OGFR: variants seen among roughly 807,000 people sequenced by gnomAD.
OGFR encodes protein 7-60.
Under a neutral mutation model 33.6 loss-of-function variants are expected in OGFR, and 18 were observed. That is an observed-to-expected ratio of 0.54 (90% CI 0.37 to 0.80). The LOEUF is 0.80. OGFR is among the 30% of genes least tolerant of loss of function. The pLI is 0.00. For synonymous variants in OGFR, 370 were observed against 400.7 expected (o/e 0.92, Z 0.91); for missense variants, 877 against 955.8 (o/e 0.92, Z 1.09).
In OGFR at chr20:62,812,266, C is replaced by T; in HGVS notation, c.651C>T (p.Leu217=). The T allele has an allele frequency of 6.5e-7, 1 of 1,532,174 alleles. No homozygotes were observed. The allele number at this position is 1,532,174 out of a possible 1,614,324, so 94.9% of individuals were successfully genotyped here. A position where few individuals can be genotyped will look rare whatever the true frequency, so the allele number is the denominator to read the frequency against. ...ACAACCTCCGCATCACACGCATCCTCAAGTCGCTGGGTGAGCTGGGCCTCG... is the reference window on the plus strand; with the variant it reads ...ACAACCTCCGCATCACACGCATCCTTAAGTCGCTGGGTGAGCTGGGCCTCG... ...SHNNLRITRI[L]KSLGELGLEH... is the part of the protein sequence containing the mutation. The change falls in exon 7 of 7, where the codon CTC becomes CTT. Residue 217 remains leucine, a synonymous_variant. Coordinates refer to ENST00000290291, the MANE Select transcript of OGFR (RefSeq NM_007346.4).
Position 62,812,571 on chromosome 20 carries a change from C to A in OGFR, c.956C>A (p.Pro319His). 6.3e-7 allele frequency: 1 copy of A among 1,578,316 alleles called. No individual in the cohort carries two copies. Among genetic ancestry groups the A allele is most frequent in the East Asian group, 2.3e-5 (1 of 43,098 alleles). The change falls in exon 7 of 7, where the codon CCC (proline) becomes CAC (histidine). Residue 319 changes from proline (P) to histidine (H), a missense_variant. This residue lies in a region of OGFR where 760 missense variants were observed against 736.0 expected (regional missense o/e 1.03). Transcript: ENST00000290291. The stretch of plus-strand genomic sequence containing the variant: ...GAGGAGGAAGGAAGCCCCGGGGACC[C>A]CGACCACGAGGCCAGCACCCAGGGT... ...KVEEEGSPGD[P>H]DHEASTQGRT...
intron 2 of OGFR, 46 bp from the exon 3 acceptor site, chr20:62,808,201 C>T (rs1391560345): frequency 1.4e-6 from 2 of 1,471,524 alleles, no homozygotes; most frequent in Admixed American, 1.7e-5. Flanking sequence ...CCCAGGGCAG[C>T]TTGTGTCTGA....
intron 5 of OGFR, among the ~76,000 whole-genome samples, chr20:62,810,817 C>T (rs567771886): frequency 1.3e-5 from 2 of 152,356 alleles, no homozygotes; most frequent in East Asian, 3.9e-4. Flanking sequence ...GGGCTGAGCC[C>T]CTGAGAGACC....
chr20:62,808,412 G>C, intron 3 of OGFR, 87 bp downstream of exon 3: 1 of 994,040 alleles, frequency 1.0e-6, no homozygotes, highest in Non-Finnish European at 1.6e-6. Flanking sequence ...GGATGTACCC[G>C]GCGATTACCA....
intron 2 of OGFR, 184 bp downstream of exon 2, chr20:62,807,789 G>A: frequency 1.6e-6 from 1 of 631,888 alleles, no homozygotes; most frequent in Non-Finnish European, 2.8e-6. Context: ...CCCTCTCGCG[G>A]GAGACCGGGG....
Position 62,811,626 on chromosome 20 carries a change from T to TGGGCCC in OGFR, c.614+16_614+17insGGGCCC. 2 of 1,502,500 alleles carry TGGGCCC rather than the reference T, an allele frequency of 1.3e-6. No individual in the cohort carries two copies. Among genetic ancestry groups the TGGGCCC allele is most frequent in the South Asian group, 1.2e-5 (1 of 82,722 alleles). The allele number at this position is 1,502,500 out of a possible 1,614,324, so 93.1% of individuals were successfully genotyped here. ...ACCTGAACTGGTGAGGCCCGGCTGCTCCCGCCCACCCCCACCCCGGCGCAG... is the reference window on the plus strand; with the variant it reads ...ACCTGAACTGGTGAGGCCCGGCTGCTGGGCCCCCCGCCCACCCCCACCCCGGCGCAG... On this transcript the variant is annotated intron_variant, in intron 6 of 6. Transcript: ENST00000290291.
At chr20:62,811,438 G>T in intron 5 of OGFR, 24 bp from the exon 6 acceptor site, 2 of 1,608,152 alleles carry the variant, frequency 1.2e-6, no homozygotes, top group Non-Finnish European at 1.7e-6. Flanking sequence ...TGGTGCCTGA[G>T]CTCTCCAAGG....
chr20:62,812,875 C>T lies in OGFR; in HGVS notation c.1260C>T (p.Ser420=), dbSNP rs1362561176. 1.9e-6 allele frequency: 3 copies of T among 1,612,576 alleles called. No individual in the cohort carries two copies. Among genetic ancestry groups the T allele is most frequent in the South Asian group, 1.1e-5 (1 of 91,080 alleles). ...TGAATTTGGAGGGGTGTGCCCTCAG[C>T]CAGGGCAGCCTCAGGACGGGGACCC... ...IALNLEGCAL[S]QGSLRTGTQE... Residue 420 remains serine, a synonymous_variant, in exon 7 of 7, where the codon AGC becomes AGT. Transcript: ENST00000290291.
Position 62,804,891 on chromosome 20 carries a change from A to G in OGFR, c.32A>G (p.Glu11Gly). 6.8e-7 allele frequency: 1 copy of G among 1,479,014 alleles called. No homozygotes were observed. Among genetic ancestry groups the G allele is most frequent in the East Asian group, 3.1e-5 (1 of 32,250 alleles). The allele number at this position is 1,479,014 out of a possible 1,614,324, so 91.6% of individuals were successfully genotyped here. A position where few individuals can be genotyped will look rare whatever the true frequency, so the allele number is the denominator to read the frequency against. MDDPDCDSTW[E>G]EDEEDAEDAE... is the part of the protein sequence containing the mutation. ...GACCCCGACTGCGACTCCACCTGGG[A>G]GGAGGACGAGGAGGATGCGGAGGAC... is the stretch of plus-strand genomic sequence containing the variant. The change falls in exon 1 of 7, where the codon GAG becomes GGG. Residue 11 changes from glutamate (E) to glycine (G), a missense_variant. Glu to Gly is a moderately conservative substitution (Grantham distance 98). This residue lies in a region of OGFR where 760 missense variants were observed against 736.0 expected (regional missense o/e 1.03). Coordinates refer to ENST00000290291, the MANE Select transcript of OGFR (RefSeq NM_007346.4).
Position 62,812,609 on chromosome 20 carries a change from C to T in OGFR, c.994C>T (p.Pro332Ser), listed in dbSNP as rs1462284679. ...EASTQGRTCG[P>S]EHSKGGGRVD... ...CAGCACCCAGGGTCGGACCTGTGGG[C>T]CAGAGCATAGCAAGGGTGGGGGCAG... Residue 332 changes from proline to serine, a missense_variant, in exon 7 of 7, where the codon CCA (proline) becomes TCA (serine). Pro to Ser is a moderately conservative substitution (Grantham distance 74, BLOSUM62 -1). This residue lies in a region of OGFR where 760 missense variants were observed against 736.0 expected (regional missense o/e 1.03). Transcript: ENST00000290291. The T allele has an allele frequency of 6.4e-7, 1 of 1,563,704 alleles. No homozygotes were observed. Among genetic ancestry groups the T allele is most frequent in the Admixed American group, 1.9e-5 (1 of 51,880 alleles).
rs1482292388 is a variant in OGFR at position 62,812,747 on chromosome 20, A to C, written c.1132A>C (p.Ser378Arg). The change falls in exon 7 of 7, where the codon AGC becomes CGC. Residue 378 changes from serine (S) to arginine (R), a missense_variant. Physicochemically the swap from Ser to Arg is moderately radical, Grantham distance 110 (BLOSUM62 -1). Transcript: ENST00000290291. ...GHGEDRPEPL[S>R]PKESKKRKLE... is the part of the protein sequence containing the mutation. ...CGGGGAAGATAGGCCGGAGCCCTTA[A>C]GCCCCAAAGAGAGCAAGAAGAGGAA... is the stretch of plus-strand genomic sequence containing the variant. 1.2e-6 allele frequency: 2 copies of C among 1,609,254 alleles called. No homozygotes were observed. Among genetic ancestry groups the C allele is most frequent in the South Asian group, 1.1e-5 (1 of 90,684 alleles).
Position 62,812,703 on chromosome 20 carries a change from G to T in OGFR, c.1088G>T (p.Gly363Val). Residue 363 changes from glycine to valine, a missense_variant, in exon 7 of 7, where the codon GGG becomes GTG. By Grantham distance (109) the Gly-to-Val change is moderately radical. This residue lies in a region of OGFR where 760 missense variants were observed against 736.0 expected (regional missense o/e 1.03). Coordinates refer to ENST00000290291, the MANE Select transcript of OGFR (RefSeq NM_007346.4). ...QDAGPLERSQGDEAGGHGEDR... is the reference protein window; with the variant it reads ...QDAGPLERSQVDEAGGHGEDR... ...GCGGGACCCCTGGAGAGGAGCCAGG[G>T]GGATGAGGCAGGGGGCCACGGGGAA... 6.3e-7 allele frequency: 1 copy of T among 1,582,328 alleles called. No homozygotes were observed. The highest frequency in any genetic ancestry group is 2.3e-5 in the East Asian group (1 of 43,100).
At position 62,813,031 on chromosome 20, in the gene OGFR, C is replaced by A. The variant is rs779822747; in HGVS notation, c.1416C>A (p.Ala472=). The A allele has an allele frequency of 1.1e-5, 17 of 1,600,842 alleles. No homozygotes were observed. Among genetic ancestry groups the A allele is most frequent in the Non-Finnish European group, 1.2e-5 (14 of 1,174,122 alleles). Reference sequence around the variant, plus strand: ...GTGCTGGGGACAGTGCTGCGGTGGCCAGTGGTGGTGCCCAGACCTTGGCCC... The same window carrying A: ...GTGCTGGGGACAGTGCTGCGGTGGCAAGTGGTGGTGCCCAGACCTTGGCCC... ...DEGAGDSAAV[A]SGGAQTLALA... is the part of the protein sequence containing the mutation. Residue 472 remains alanine, a synonymous_variant, in exon 7 of 7, where the codon GCC becomes GCA. Transcript: ENST00000290291.
Position 62,808,330 on chromosome 20 carries a change from G to A in OGFR, c.319+5G>A, listed in dbSNP as rs1045281410. The A allele has an allele frequency of 1.2e-6, 2 of 1,611,206 alleles. No individual in the cohort carries two copies. The highest frequency in any genetic ancestry group is 2.7e-5 in the African/African-American group (2 of 75,010). ...AGATCCGCTTCCTGCCCAACGGTAGGTGCCTCACAACCACTGGCAGCCGGC... is the reference window on the plus strand; with the variant it reads ...AGATCCGCTTCCTGCCCAACGGTAGATGCCTCACAACCACTGGCAGCCGGC... On this transcript the variant is annotated splice_donor_5th_base_variant and intron_variant, in intron 3 of 6. Coordinates refer to ENST00000290291, the MANE Select transcript of OGFR (RefSeq NM_007346.4).
chr20:62,811,626 T>TGGCGGCCCCCCCCCCCCCC lies in OGFR; in HGVS notation c.614+16_614+17insGGCGGCCCCCCCCCCCCCC. 1 of 1,502,550 alleles carries TGGCGGCCCCCCCCCCCCCC rather than the reference T, an allele frequency of 6.7e-7. No individual in the cohort carries two copies. The highest frequency in any genetic ancestry group is 9.0e-7 in the Non-Finnish European group (1 of 1,110,138). 93.1% of individuals were successfully genotyped at this position (1,502,550 alleles called of 1,614,324 possible). A position where few individuals can be genotyped will look rare whatever the true frequency, so the allele number is the denominator to read the frequency against. On this transcript the variant is annotated intron_variant, in intron 6 of 6. Coordinates refer to ENST00000290291, the MANE Select transcript of OGFR (RefSeq NM_007346.4). ...ACCTGAACTGGTGAGGCCCGGCTGC[T>TGGCGGCCCCCCCCCCCCCC]CCCGCCCACCCCCACCCCGGCGCAG...
rs897146293 is a variant in OGFR at position 62,813,611 on chromosome 20, G to A, written c.1996G>A (p.Ala666Thr). The A allele has an allele frequency of 1.2e-5, 20 of 1,612,688 alleles. No homozygotes were observed. Among genetic ancestry groups the A allele is most frequent in the Non-Finnish European group, 1.5e-5 (18 of 1,179,950 alleles). ...GGGGGAGGCAGCAGAGTTGCAGGAC[G>A]CAGAGGTGGAGTCTTCTGCCAAGTC... is the stretch of plus-strand genomic sequence containing the variant. ...KAGEAAELQDAEVESSAKSGK... is the reference protein window; with the variant it reads ...KAGEAAELQDTEVESSAKSGK... The change falls in exon 7 of 7, where the codon GCA becomes ACA. Residue 666 changes from alanine to threonine, a missense_variant. Transcript: ENST00000290291.
chr20:62,807,080 C>A, intron 1 of OGFR: 1 of 176,086 alleles, frequency 5.7e-6, no homozygotes, highest in Non-Finnish European at 1.2e-5. Flanking sequence ...CCACTGCCCC[C>A]AAGAACACAG....
chr20:62,807,860 C>T (rs758952411), intron 2 of OGFR: 87 of 601,152 alleles, frequency 1.4e-4, no homozygotes, highest in Non-Finnish European at 2.5e-4. Context: ...GCCATAGTGC[C>T]AGCCTCGTGA....
chr20:62,810,166 G>A (rs768691247), intron 4 of OGFR, among the ~76,000 whole-genome samples: 1 of 146,472 alleles, frequency 6.8e-6, no homozygotes, highest in Non-Finnish European at 1.6e-5. Context: ...CGTGTCATGA[G>A]TGACAACACA....
Sources: allele counts gnomAD v4.1 joint callset (sites outside exome capture counted in the v4.1 genomes callset), GRCh38; gene constraint gnomAD v4.1.1; regional missense constraint gnomAD v4.1.1; transcripts MANE v1.5; gene names NCBI Gene and HGNC (gene_info 2026-07-23, HGNC 2026-07-21).